The following SLIT2 variants were observed in gnomAD, a reference collection of about 807,000 sequenced individuals.
SLIT2 encodes slit homolog 2 protein.
Under a neutral mutation model 185.7 loss-of-function variants are expected in SLIT2, and 41 were observed. That is an observed-to-expected ratio of 0.22 (90% CI 0.17 to 0.29). The LOEUF is 0.29. Among genes scored for constraint, SLIT2 ranks in the 10% least tolerant of loss-of-function variants. The pLI is 1.00. For synonymous variants in SLIT2, 693 were observed against 680.2 expected, an observed-to-expected ratio of 1.02 and a Z score of -0.29; for missense variants, 1,571 against 1,909.0, an observed-to-expected ratio of 0.82 and a Z score of 3.30.
chr4:20,341,493 C>T (rs1009643722), intron 4 of SLIT2, among the ~76,000 whole-genome samples: 12 of 152,134 alleles, frequency 7.9e-5, no homozygotes, highest in Non-Finnish European at 1.2e-4. Context: ...AGAAAATTTC[C>T]GCAAGACATT....
chr4:20,332,852 T>C (rs1054556125), intron 4 of SLIT2, among the ~76,000 whole-genome samples: 1 of 152,146 alleles, frequency 6.6e-6, no homozygotes, highest in African/African-American at 2.4e-5. Context: ...GTTCTTACCT[T>C]ACCATTCTGG....
At chr4:20,346,824 A>C (rs1378353346) in intron 4 of SLIT2, among the ~76,000 whole-genome samples, 1 of 152,192 alleles carries the variant, frequency 6.6e-6, no homozygotes, top group Non-Finnish European at 1.5e-5. Context: ...GGCAGGAAGC[A>C]TCCAGAACGG....
intron 26 of SLIT2, among the ~76,000 whole-genome samples, chr4:20,565,522 GT>G (rs1560199522): frequency 6.6e-6 from 1 of 151,920 alleles, no homozygotes; most frequent in Non-Finnish European, 1.5e-5. Flanking sequence ...GAACAGCTAA[GT>G]TTTTTGCCCT....
At chr4:20,375,507 T>C (rs559946380) in intron 4 of SLIT2, among the ~76,000 whole-genome samples, 1 of 152,234 alleles carries the variant, frequency 6.6e-6, no homozygotes, top group Admixed American at 6.5e-5. Context: ...GTATTTTATC[T>C]AAGTCGTATC....
intron 34 of SLIT2, 31 bp downstream of exon 34, chr4:20,610,198 G>A: frequency 6.3e-7 from 1 of 1,592,282 alleles, no homozygotes; most frequent in Non-Finnish European, 8.6e-7. Context: ...AGGTGGTCCT[G>A]AAACCCTGTG....
chr4:20,434,024 C>T (rs1312583680), intron 4 of SLIT2, among the ~76,000 whole-genome samples: 3 of 151,930 alleles, frequency 2.0e-5, no homozygotes, highest in Admixed American at 2.0e-4. Flanking sequence ...TTCTAGACTC[C>T]CTTTAGGATA....
rs1726757945 is a variant in SLIT2, at chr4:20,406,120, T to A, written c.396-61632T>A. Reference sequence around the variant, plus strand: ...CAATAGATTTACACAGGTAAACAACTGAATCTTCCTCTTTATCTCAGACCT... The same window carrying A: ...CAATAGATTTACACAGGTAAACAACAGAATCTTCCTCTTTATCTCAGACCT... On this transcript the variant is annotated intron_variant, in intron 4 of 36. Transcript: ENST00000504154. 1.4e-5 allele frequency among the ~76,000 whole-genome samples: 2 copies of A among 144,006 alleles called. 1 individual carries two copies. Among genetic ancestry groups the A allele is most frequent in the Non-Finnish European group, 3.1e-5 (2 of 64,660 alleles). The allele number at this position is 144,006 out of a possible 152,430, so 94.5% of individuals were successfully genotyped here. A position where few individuals can be genotyped will look rare whatever the true frequency, so the allele number is the denominator to read the frequency against.
At chr4:20,299,974 T>C (rs939270290) in intron 4 of SLIT2, among the ~76,000 whole-genome samples, 4 of 149,850 alleles carry the variant, frequency 2.7e-5, no homozygotes, top group Non-Finnish European at 5.9e-5. Context: ...ATATCATCAT[T>C]CAAGGTAAAG....
intron 4 of SLIT2, among the ~76,000 whole-genome samples, chr4:20,315,360 A>G (rs1718485865): frequency 6.6e-6 from 1 of 152,148 alleles, no homozygotes. Context: ...TTAGGTAGAT[A>G]TTTCAAAGAT....
intron 30 of SLIT2, among the ~76,000 whole-genome samples, chr4:20,594,458 T>C (rs1218587778): frequency 2.0e-5 from 3 of 151,944 alleles, no homozygotes; most frequent in Admixed American, 2.0e-4. Context: ...AAAACACTCT[T>C]GGAAGCCAAT....
At chr4:20,587,803 G>T (rs186670486) in intron 29 of SLIT2, among the ~76,000 whole-genome samples, 111 of 152,238 alleles carry the variant, frequency 7.3e-4, no homozygotes, top group Non-Finnish European at 1.2e-3. Flanking sequence ...GACTTAGATT[G>T]GATGAATTGG....
intron 5 of SLIT2, among the ~76,000 whole-genome samples, chr4:20,472,620 C>A (rs61789434): frequency 0.025 from 473 of 18,644 alleles, 161 homozygotes; most frequent in African/African-American, 0.093. Flanking sequence ...CTATATATAT[C>A]GATATATCTA....
intron 4 of SLIT2, among the ~76,000 whole-genome samples, chr4:20,360,083 A>G (rs574733286): frequency 6.6e-6 from 1 of 152,048 alleles, no homozygotes; most frequent in East Asian, 1.9e-4. Flanking sequence ...ATGTGACAGG[A>G]CTCTGCTCAC....
At chr4:20,264,727 C>T (rs1254338473) in intron 3 of SLIT2, among the ~76,000 whole-genome samples, 1 of 151,890 alleles carries the variant, frequency 6.6e-6, no homozygotes, top group African/African-American at 2.4e-5. Context: ...TTCTGAAAGT[C>T]AAACTCAAAA....
chr4:20,582,859 CTG>C (rs770288912), intron 29 of SLIT2, among the ~76,000 whole-genome samples: 3 of 152,266 alleles, frequency 2.0e-5, no homozygotes, highest in Middle Eastern at 3.4e-3. Flanking sequence ...AACAGGATGA[CTG>C]TGATACCACG....
intron 4 of SLIT2, among the ~76,000 whole-genome samples, chr4:20,293,644 A>T (rs985729964): frequency 1.3e-5 from 2 of 152,186 alleles, no homozygotes; most frequent in Admixed American, 1.3e-4. Flanking sequence ...ACCATTTCCC[A>T]TCTTCTACTA....
At chr4:20,450,998 A>G (rs1712412446) in intron 4 of SLIT2, among the ~76,000 whole-genome samples, 1 of 152,224 alleles carries the variant, frequency 6.6e-6, no homozygotes, top group South Asian at 2.1e-4. Flanking sequence ...AATTCAGTCA[A>G]AGCAGAAGGA....
chr4:20,369,835 C>G (rs985705883), intron 4 of SLIT2, among the ~76,000 whole-genome samples: 3 of 152,084 alleles, frequency 2.0e-5, no homozygotes, highest in African/African-American at 4.8e-5. Context: ...GGTTTCCACC[C>G]TCTTGCCTGA....
At chr4:20,503,403 A>G (rs1357135684) in intron 9 of SLIT2, among the ~76,000 whole-genome samples, 3 of 152,208 alleles carry the variant, frequency 2.0e-5, no homozygotes, top group African/African-American at 7.2e-5. Flanking sequence ...TGTCTAATTC[A>G]TAGTAAGTGT....
Sources: allele counts gnomAD v4.1 joint callset (sites outside exome capture counted in the v4.1 genomes callset), GRCh38; gene constraint gnomAD v4.1.1; transcripts MANE v1.5; gene names NCBI Gene and HGNC (gene_info 2026-07-23, HGNC 2026-07-21).